SLC24A3: variants seen among roughly 807,000 people sequenced by gnomAD.
The protein encoded by SLC24A3 is sodium/potassium/calcium exchanger 3.
Under a neutral mutation model 75.8 loss-of-function variants are expected in SLC24A3, and 28 were observed. The observed-to-expected ratio is 0.37, with a 90% confidence interval of 0.27 to 0.51. SLC24A3 has a LOEUF of 0.51. Among genes scored for constraint, SLC24A3 ranks in the 20% least tolerant of loss-of-function variants. SLC24A3 has a pLI of 0.94. For missense variants in SLC24A3, 663 were observed against 847.8 expected, an observed-to-expected ratio of 0.78 and a Z score of 2.71; for synonymous variants, 372 against 334.1, an observed-to-expected ratio of 1.11 and a Z score of -1.24.
At chr20:19,452,302 C>G (rs1242739002) in intron 2 of SLC24A3, among the ~76,000 whole-genome samples, 2 of 151,452 alleles carry the variant, frequency 1.3e-5, no homozygotes, top group Non-Finnish European at 2.9e-5. Context: ...TATTTCTGTC[C>G]TAATTATTAC....
At chr20:19,366,374 C>A (rs1385143274) in intron 2 of SLC24A3, among the ~76,000 whole-genome samples, 1 of 152,186 alleles carries the variant, frequency 6.6e-6, no homozygotes, top group Non-Finnish European at 1.5e-5. Flanking sequence ...CTTTAAATGT[C>A]ATTGATAATT....
chr20:19,442,987 G>A (rs1238645097), intron 2 of SLC24A3, among the ~76,000 whole-genome samples: 1 of 152,120 alleles, frequency 6.6e-6, no homozygotes, highest in Admixed American at 6.5e-5. Context: ...CCTTGTCAGA[G>A]ATCAATTGAC....
intron 15 of SLC24A3, among the ~76,000 whole-genome samples, chr20:19,701,181 T>A (rs1289826201): frequency 6.6e-6 from 1 of 152,116 alleles, no homozygotes; most frequent in Non-Finnish European, 1.5e-5. Context: ...ACTCAAGCCA[T>A]GAAAAGCATG....
chr20:19,499,240 A>G (rs1415609863), intron 2 of SLC24A3, among the ~76,000 whole-genome samples: 1 of 152,244 alleles, frequency 6.6e-6, no homozygotes. Context: ...AGATACATAT[A>G]CATATGTACT....
intron 3 of SLC24A3, among the ~76,000 whole-genome samples, chr20:19,561,551 C>A (rs1298837757): frequency 6.6e-6 from 1 of 152,136 alleles, no homozygotes; most frequent in African/African-American, 2.4e-5. Flanking sequence ...GCCTGCTGAC[C>A]TTTCCTGGTG....
chr20:19,526,849 G>A (rs1364054767), intron 3 of SLC24A3, among the ~76,000 whole-genome samples: 16 of 152,134 alleles, frequency 1.1e-4, no homozygotes, highest in Admixed American at 2.0e-4. Flanking sequence ...GGCTGTCTGC[G>A]TGAGAATTGA....
At chr20:19,271,328 A>T (rs903704874) in intron 1 of SLC24A3, among the ~76,000 whole-genome samples, 2 of 140,490 alleles carry the variant, frequency 1.4e-5, no homozygotes, top group African/African-American at 5.4e-5. Context: ...ATTAAAAAAT[A>T]AAAAAAAAAA....
intron 2 of SLC24A3, among the ~76,000 whole-genome samples, chr20:19,428,018 CA>C (rs1478323080): frequency 1.3e-5 from 2 of 152,214 alleles, no homozygotes; most frequent in East Asian, 3.8e-4. Context: ...CTGTGCTCCT[CA>C]TATTTGAATT....
intron 6 of SLC24A3, among the ~76,000 whole-genome samples, chr20:19,587,038 G>A (rs2031308032): frequency 6.6e-6 from 1 of 152,164 alleles, no homozygotes; most frequent in Admixed American, 6.5e-5. Context: ...TTGGACACCT[G>A]CTTGTGGCCT....
At chr20:19,475,788 T>C (rs1473154460) in intron 2 of SLC24A3, among the ~76,000 whole-genome samples, 1 of 152,232 alleles carries the variant, frequency 6.6e-6, no homozygotes, top group Admixed American at 6.5e-5. Flanking sequence ...AAAAATTTAT[T>C]TTTAGATTTA....
intron 2 of SLC24A3, among the ~76,000 whole-genome samples, chr20:19,471,091 GGTT>G (rs1568627360): frequency 6.6e-6 from 1 of 152,172 alleles, no homozygotes; most frequent in Non-Finnish European, 1.5e-5. Context: ...GGGGTTCTCA[GGTT>G]GCTATGTGGT....
chr20:19,709,179 TG>T (rs1255010547), intron 15 of SLC24A3, among the ~76,000 whole-genome samples: 2 of 151,978 alleles, frequency 1.3e-5, no homozygotes, highest in African/African-American at 2.4e-5. Flanking sequence ...GCAAGGGAGC[TG>T]GGGGGTTTAT....
intron 3 of SLC24A3, among the ~76,000 whole-genome samples, chr20:19,542,781 A>G (rs568103247): frequency 6.6e-6 from 1 of 152,316 alleles, no homozygotes; most frequent in Non-Finnish European, 1.5e-5. Context: ...TCATAAACCC[A>G]TGAGAGAGAA....
At chr20:19,484,813 G>T (rs574102296) in intron 2 of SLC24A3, among the ~76,000 whole-genome samples, 3 of 152,206 alleles carry the variant, frequency 2.0e-5, no homozygotes, top group South Asian at 4.1e-4. Flanking sequence ...ATTTAAAAAG[G>T]GTTATGATGA....
chr20:19,564,584 T>A (rs1427301782), intron 3 of SLC24A3, among the ~76,000 whole-genome samples: 1 of 152,196 alleles, frequency 6.6e-6, no homozygotes, highest in Non-Finnish European at 1.5e-5. Context: ...TGATTCCTGT[T>A]CAAGACAGAT....
chr20:19,663,425 CTCCTCCTCCGCCTTCTCA>C (rs2122719207), intron 7 of SLC24A3, among the ~76,000 whole-genome samples: 2 of 97,786 alleles, frequency 2.0e-5, no homozygotes, highest in Admixed American at 1.9e-4. Context: ...CCTCCTCCTC[CTCCTCCTCCGCCTTCTCA>C]TCCTCCTCCA....
intron 3 of SLC24A3, among the ~76,000 whole-genome samples, chr20:19,520,550 G>A (rs1037236129): frequency 5.3e-5 from 8 of 152,190 alleles, no homozygotes; most frequent in Non-Finnish European, 7.3e-5. Context: ...TCTCTACGGC[G>A]CAGGTCATTC....
At chr20:19,357,928 AG>A (rs1318500680) in intron 2 of SLC24A3, among the ~76,000 whole-genome samples, 1 of 152,190 alleles carries the variant, frequency 6.6e-6, no homozygotes, top group Admixed American at 6.5e-5. Flanking sequence ...TTTGATATTG[AG>A]TTTTTGTAGA....
intron 13 of SLC24A3, among the ~76,000 whole-genome samples, chr20:19,695,190 G>A (rs6075560): frequency 0.37 from 55,705 of 152,074 alleles, 10,780 homozygotes; most frequent in African/African-American, 0.48. Flanking sequence ...TCTTTGAACA[G>A]GGAAGGAGCG....
Sources: allele counts gnomAD v4.1 joint callset (sites outside exome capture counted in the v4.1 genomes callset), GRCh38; gene constraint gnomAD v4.1.1; transcripts MANE v1.5; gene names NCBI Gene and HGNC (gene_info 2026-07-23, HGNC 2026-07-21).